The following ATRNL1 variants were observed in gnomAD, a reference collection of about 807,000 sequenced individuals.
The protein encoded by ATRNL1 is attractin like 1.
ATRNL1 carries 95 observed loss-of-function variants against 182.7 expected under a neutral mutation model. That is an observed-to-expected ratio of 0.52 (90% CI 0.44 to 0.62). ATRNL1 has a LOEUF of 0.62. Ranked by LOEUF, ATRNL1 falls within the 20% of genes least tolerant of loss-of-function variation. The probability of loss-of-function intolerance (pLI) is 0.00; values close to 1 mark genes in which losing one functional copy is unlikely to be tolerated. For missense variants in ATRNL1, 1,471 were observed against 1,679.5 expected, an observed-to-expected ratio of 0.88 and a Z score of 2.17; for synonymous variants, 576 against 568.3, an observed-to-expected ratio of 1.01 and a Z score of -0.19.
At chr10:115,400,709 C>G (rs1296801848) in intron 20 of ATRNL1, among the ~76,000 whole-genome samples, 4 of 151,894 alleles carry the variant, frequency 2.6e-5, no homozygotes, top group African/African-American at 7.3e-5. Context: ...TGTTCTTTGC[C>G]TTTTTGATTT....
chr10:115,713,393 A>G (rs138504806), intron 26 of ATRNL1, among the ~76,000 whole-genome samples: 52 of 151,872 alleles, frequency 3.4e-4, no homozygotes, highest in Admixed American at 2.4e-3. Context: ...AGCATATTAG[A>G]TGATAGAGAA....
At position 115,166,473 on chromosome 10, in the gene ATRNL1, A is replaced by T. The variant is rs557693442; in HGVS notation, c.1092+828A>T. Among the ~76,000 whole-genome samples the T allele has an allele frequency of 6.9e-4, 100 of 144,582 alleles. No homozygotes were observed. The South Asian group carries it at 0.015, about 21-fold the overall frequency. 94.9% of individuals were successfully genotyped at this position (144,582 alleles called of 152,430 possible). On this transcript the variant is annotated intron_variant, in intron 7 of 28. Transcript: ENST00000355044. Reference sequence around the variant, plus strand: ...TCTATGTTTAATTTTTTTTTTTTTTAGCACTGCCATAGTGTTTTCCACTAT... The same window carrying T: ...TCTATGTTTAATTTTTTTTTTTTTTTGCACTGCCATAGTGTTTTCCACTAT...
chr10:115,771,773 A>G (rs1948999104), intron 27 of ATRNL1, among the ~76,000 whole-genome samples: 1 of 152,180 alleles, frequency 6.6e-6, no homozygotes, highest in African/African-American at 2.4e-5. Context: ...TAGAATCCCA[A>G]TGCCTTGATT....
intron 20 of ATRNL1, among the ~76,000 whole-genome samples, chr10:115,399,508 G>T (rs79562738): frequency 0.011 from 1,744 of 152,090 alleles, 13 homozygotes; most frequent in Non-Finnish European, 0.019. Context: ...GGGGTCAGTG[G>T]TAATACCCTT....
At chr10:115,786,621 A>G (rs1555080478) in intron 27 of ATRNL1, among the ~76,000 whole-genome samples, 1 of 152,152 alleles carries the variant, frequency 6.6e-6, no homozygotes, top group Non-Finnish European at 1.5e-5. Context: ...CCTCATCTTA[A>G]TTAATTATAT....
intron 27 of ATRNL1, among the ~76,000 whole-genome samples, chr10:115,797,278 A>C (rs1489118639): frequency 2.0e-5 from 3 of 152,182 alleles, no homozygotes; most frequent in Non-Finnish European, 4.4e-5. Flanking sequence ...AAGTAGGAAA[A>C]ATAGGCCTTT....
intron 28 of ATRNL1, among the ~76,000 whole-genome samples, chr10:115,930,950 T>C (rs1555121465): frequency 6.6e-6 from 1 of 152,142 alleles, no homozygotes; most frequent in Non-Finnish European, 1.5e-5. Context: ...GAAAGTGAAA[T>C]AGGGAAATAG....
intron 19 of ATRNL1, among the ~76,000 whole-genome samples, chr10:115,350,754 C>T (rs1382589926): frequency 6.6e-6 from 1 of 151,898 alleles, no homozygotes; most frequent in Non-Finnish European, 1.5e-5. Flanking sequence ...TATTCTGAGC[C>T]TTTTATGGTT....
intron 27 of ATRNL1, among the ~76,000 whole-genome samples, chr10:115,818,449 C>A (rs1950218032): frequency 6.6e-6 from 1 of 152,046 alleles, no homozygotes; most frequent in Non-Finnish European, 1.5e-5. Flanking sequence ...ATGCCCTATT[C>A]AAAAATGTTT....
intron 8 of ATRNL1, among the ~76,000 whole-genome samples, chr10:115,177,480 G>A (rs1564799522): frequency 6.6e-6 from 1 of 152,116 alleles, no homozygotes; most frequent in African/African-American, 2.4e-5. Flanking sequence ...GGAAAGTGTA[G>A]GTAACACTGT....
intron 27 of ATRNL1, among the ~76,000 whole-genome samples, chr10:115,756,358 G>A (rs959030443): frequency 3.3e-5 from 5 of 152,100 alleles, no homozygotes; most frequent in South Asian, 2.1e-4. Flanking sequence ...ATTCTGGTAC[G>A]TTGTGTCTTT....
intron 9 of ATRNL1, among the ~76,000 whole-genome samples, chr10:115,224,952 A>C (rs561406781): frequency 1.2e-4 from 18 of 152,292 alleles, no homozygotes; most frequent in African/African-American, 4.3e-4. Context: ...TTAAGAAATA[A>C]GCATTTAAGA....
chr10:115,171,159 T>C lies in ATRNL1; in HGVS notation c.1215T>C (p.His405=). The C allele has an allele frequency of 6.2e-7, 1 of 1,611,672 alleles. No individual in the cohort carries two copies. Among genetic ancestry groups the C allele is most frequent in the South Asian group, 1.1e-5 (1 of 90,874 alleles). The change falls in exon 8 of 29, where the codon CAT becomes CAC. Residue 405 remains histidine, a synonymous_variant. Coordinates refer to ENST00000355044, the MANE Select transcript of ATRNL1 (RefSeq NM_207303.4). The stretch of plus-strand genomic sequence containing the variant: ...CAAAAACTCCTACTGTTCTTGGACA[T>C]GGTCAGCAGTATGCTGTGGAGGGAC... ...WSTKTPTVLG[H]GQQYAVEGHS...
intron 26 of ATRNL1, among the ~76,000 whole-genome samples, chr10:115,559,975 T>C (rs1399581339): frequency 6.6e-6 from 1 of 152,202 alleles, no homozygotes; most frequent in Non-Finnish European, 1.5e-5. Context: ...ACATGTTTTG[T>C]AAATAAAATT....
chr10:115,737,304 G>T (rs1197005349), intron 27 of ATRNL1, among the ~76,000 whole-genome samples: 2 of 151,168 alleles, frequency 1.3e-5, no homozygotes, highest in African/African-American at 4.9e-5. Flanking sequence ...GGGCATGGTG[G>T]CATGCATCTA....
In ATRNL1 at chr10:115,582,078, C is replaced by A. The variant is rs1202656140; in HGVS notation, c.3795+32542C>A. Among the ~76,000 whole-genome samples, 249 of 152,088 alleles carry A rather than the reference C, an allele frequency of 1.6e-3. 1 individual carries two copies. The highest frequency in any genetic ancestry group is 5.7e-3 in the African/African-American group (237 of 41,486). On this transcript the variant is annotated intron_variant, in intron 26 of 28. Coordinates refer to ENST00000355044, the MANE Select transcript of ATRNL1 (RefSeq NM_207303.4). ...ATCCCTACAAAGGACATGAACTCATCATTTTTTATGGCTGCATAGTATTCC... is the reference window on the plus strand; with the variant it reads ...ATCCCTACAAAGGACATGAACTCATAATTTTTTATGGCTGCATAGTATTCC...
At chr10:115,623,607 A>T (rs1555023763) in intron 26 of ATRNL1, among the ~76,000 whole-genome samples, 1 of 152,138 alleles carries the variant, frequency 6.6e-6, no homozygotes, top group Non-Finnish European at 1.5e-5. Flanking sequence ...AACCAAAATA[A>T]AGTACAAAGA....
intron 27 of ATRNL1, among the ~76,000 whole-genome samples, chr10:115,765,131 A>T (rs1948826746): frequency 6.6e-6 from 1 of 152,172 alleles, no homozygotes; most frequent in Non-Finnish European, 1.5e-5. Flanking sequence ...GCTGCTACAA[A>T]CATCCATGTG....
At chr10:115,761,960 G>A (rs782753769) in intron 27 of ATRNL1, among the ~76,000 whole-genome samples, 42 of 152,012 alleles carry the variant, frequency 2.8e-4, no homozygotes, top group Non-Finnish European at 5.6e-4. Flanking sequence ...TACCCACAAG[G>A]GCTCTTTTCT....
Sources: allele counts gnomAD v4.1 joint callset (sites outside exome capture counted in the v4.1 genomes callset), GRCh38; gene constraint gnomAD v4.1.1; transcripts MANE v1.5; gene names NCBI Gene and HGNC (gene_info 2026-07-23, HGNC 2026-07-21).